The following DLG1 variants were observed in gnomAD, a reference collection of about 807,000 sequenced individuals.
The protein encoded by DLG1 is discs large MAGUK scaffold protein 1, also known as disks large homolog 1.
Under a neutral mutation model 123.4 loss-of-function variants are expected in DLG1, and 42 were observed. The observed-to-expected ratio is 0.34, with a 90% confidence interval of 0.27 to 0.44. The LOEUF is 0.44. Among genes scored for constraint, DLG1 ranks in the 20% least tolerant of loss-of-function variants. The pLI is 1.00. For missense variants in DLG1, 942 were observed against 1,082.6 expected, an observed-to-expected ratio of 0.87 and a Z score of 1.82; for synonymous variants, 317 against 356.2, an observed-to-expected ratio of 0.89 and a Z score of 1.24.
In DLG1 at chr3:197,130,433, T is replaced by A. The variant is rs986885706; in HGVS notation, c.1165+94A>T. On this transcript the variant is annotated intron_variant, in intron 11 of 24. Transcript: ENST00000667157. Reference sequence around the variant, plus strand: ...TGTTTCTTTAAAAATATTTGCATAATGTTTAAACTTTATTATACTGAGAAC... The same window carrying A: ...TGTTTCTTTAAAAATATTTGCATAAAGTTTAAACTTTATTATACTGAGAAC... 4 of 1,060,232 alleles carry A rather than the reference T, an allele frequency of 3.8e-6. No homozygotes were observed. In the African/African-American group the frequency reaches 4.9e-5, roughly 13 times the overall value. The allele number at this position is 1,060,232 out of a possible 1,614,324, so 65.7% of individuals were successfully genotyped here. A position where few individuals can be genotyped will look rare whatever the true frequency, so the allele number is the denominator to read the frequency against.
chr3:197,095,641 G>C (rs1760231462), intron 14 of DLG1, among the ~76,000 whole-genome samples: 1 of 152,080 alleles, frequency 6.6e-6, no homozygotes, highest in Non-Finnish European at 1.5e-5. Context: ...TTAATCGCTT[G>C]ATAAAAGTTG....
chr3:197,279,647 A>G (rs1435252325), intron 4 of DLG1, among the ~76,000 whole-genome samples: 1 of 152,174 alleles, frequency 6.6e-6, no homozygotes, highest in Non-Finnish European at 1.5e-5. Context: ...TGTTCATAAT[A>G]TATCTTTCAG....
intron 4 of DLG1, among the ~76,000 whole-genome samples, chr3:197,241,593 C>G (rs913071184): frequency 1.1e-4 from 17 of 152,084 alleles, no homozygotes; most frequent in Non-Finnish European, 2.1e-4. Context: ...AAAGATAAAT[C>G]TATCAAAAAC....
chr3:197,223,881 C>A (rs563682034), intron 4 of DLG1, among the ~76,000 whole-genome samples: 1 of 152,238 alleles, frequency 6.6e-6, no homozygotes, highest in South Asian at 2.1e-4. Flanking sequence ...TATCAAAATA[C>A]ACTAATGAAA....
At chr3:197,241,868 A>G (rs1561637144) in intron 4 of DLG1, among the ~76,000 whole-genome samples, 1 of 152,210 alleles carries the variant, frequency 6.6e-6, no homozygotes, top group Non-Finnish European at 1.5e-5. Context: ...GCAACACATT[A>G]AAACATACCA....
At chr3:197,051,728 T>C (rs1486418595) in intron 23 of DLG1, 60 bp from the exon 24 acceptor site, 3 of 1,336,684 alleles carry the variant, frequency 2.2e-6, no homozygotes, top group African/African-American at 1.5e-5. Flanking sequence ...AAAAAAAAGA[T>C]GGCAAAGGAG....
intron 4 of DLG1, among the ~76,000 whole-genome samples, chr3:197,255,196 C>T (rs1756273465): frequency 6.6e-6 from 1 of 152,048 alleles, no homozygotes; most frequent in Admixed American, 6.6e-5. Flanking sequence ...ATCTCTAATC[C>T]CTCAACACAG....
chr3:197,172,294 T>C (rs1466861355), intron 5 of DLG1, among the ~76,000 whole-genome samples: 1 of 152,170 alleles, frequency 6.6e-6, no homozygotes, highest in East Asian at 1.9e-4. Context: ...GTACGGTATA[T>C]AATACTTCAG....
chr3:197,080,725 G>A (rs1054150887), intron 17 of DLG1: 2 of 175,740 alleles, frequency 1.1e-5, no homozygotes, highest in Admixed American at 6.2e-5. Context: ...GCCTCCCAAA[G>A]TGCTGGGATT....
chr3:197,189,049 TA>T, intron 5 of DLG1, among the ~76,000 whole-genome samples: 1 of 152,216 alleles, frequency 6.6e-6, no homozygotes, highest in South Asian at 2.1e-4. Flanking sequence ...GAAACAGTCT[TA>T]ATCATTCTTA....
intron 4 of DLG1, among the ~76,000 whole-genome samples, chr3:197,274,393 T>A (rs1765382033): frequency 1.3e-5 from 2 of 152,190 alleles, no homozygotes; most frequent in South Asian, 4.1e-4. Context: ...GATATCCATA[T>A]GTAGAATGAA....
At position 197,136,643 on chromosome 3, in the gene DLG1, G is replaced by C. The variant is rs1443802262; in HGVS notation, c.919C>G (p.Gln307Glu). 7 of 1,613,050 alleles carry C rather than the reference G, an allele frequency of 4.3e-6. No individual in the cohort carries two copies. Among genetic ancestry groups the C allele is most frequent in the Admixed American group, 1.7e-5 (1 of 59,880 alleles). ...ATGCTATTATCCCCAGGAATATGCT[G>C]ATTTCCAACACCTCCAGCAATGCTA... ...GFSIAGGVGN[Q>E]HIPGDNSIYV... Residue 307 changes from glutamine (Q) to glutamate (E), a missense_variant, in exon 10 of 25, where the codon CAG (glutamine) becomes GAG (glutamate). Gln to Glu is a conservative substitution (Grantham distance 29). Coordinates refer to ENST00000667157, the MANE Select transcript of DLG1 (RefSeq NM_001366207.1).
At chr3:197,201,896 G>C (rs1725927366) in intron 4 of DLG1, among the ~76,000 whole-genome samples, 1 of 151,274 alleles carries the variant, frequency 6.6e-6, no homozygotes, top group African/African-American at 2.4e-5. Context: ...CTCAGACACA[G>C]AAAGACAAAT....
intron 4 of DLG1, among the ~76,000 whole-genome samples, chr3:197,259,530 T>G (rs1758406481): frequency 6.6e-6 from 1 of 152,204 alleles, no homozygotes; most frequent in Non-Finnish European, 1.5e-5. Context: ...GCAATCACTA[T>G]GAGACATCGT....
intron 13 of DLG1, among the ~76,000 whole-genome samples, chr3:197,107,770 C>T (rs1232537812): frequency 6.6e-6 from 1 of 150,888 alleles, no homozygotes; most frequent in African/African-American, 2.4e-5. Flanking sequence ...CATCTGCAAA[C>T]AGAAATAGTT....
intron 4 of DLG1, among the ~76,000 whole-genome samples, chr3:197,276,023 A>G (rs1766249772): frequency 6.6e-6 from 1 of 152,206 alleles, no homozygotes; most frequent in Admixed American, 6.5e-5. Context: ...CAATTTTAAA[A>G]GAGTACTATT....
rs897592633 is a variant in DLG1, at chr3:197,226,757, T to C, written c.319-32168A>G. Among the ~76,000 whole-genome samples the C allele has an allele frequency of 3.3e-5, 5 of 152,296 alleles. No homozygotes were observed. The East Asian group carries it at 9.6e-4, about 29-fold the overall frequency. On this transcript the variant is annotated intron_variant, in intron 4 of 24. Transcript: ENST00000667157. ...CCAATTTTGATGTATATCTATACCATATGGAAAGTTTAAAAGCAGAAAGTC... is the reference window on the plus strand; with the variant it reads ...CCAATTTTGATGTATATCTATACCACATGGAAAGTTTAAAAGCAGAAAGTC...
intron 3 of DLG1, among the ~76,000 whole-genome samples, chr3:197,293,591 T>G (rs1259776134): frequency 6.6e-6 from 1 of 150,788 alleles, no homozygotes; most frequent in African/African-American, 2.4e-5. Context: ...ACCTAATCTA[T>G]GTATCAACTA....
intron 4 of DLG1, among the ~76,000 whole-genome samples, chr3:197,277,738 G>A (rs9849651): frequency 0.016 from 2,452 of 151,922 alleles, 67 homozygotes; most frequent in African/African-American, 0.056. Context: ...CTTTACTCTT[G>A]CTTTTTTTTA....
Sources: allele counts gnomAD v4.1 joint callset (sites outside exome capture counted in the v4.1 genomes callset), GRCh38; gene constraint gnomAD v4.1.1; transcripts MANE v1.5; gene names NCBI Gene and HGNC (gene_info 2026-07-23, HGNC 2026-07-21).